Variants in ZNF737 observed in about 807,000 individuals in gnomAD.
The protein encoded by ZNF737 is zinc finger protein 737.
Under a neutral mutation model 11.7 loss-of-function variants are expected in ZNF737, and 13 were observed. That is an observed-to-expected ratio of 1.11 (90% CI 0.73 to 1.77). ZNF737 has a LOEUF of 1.77. ZNF737 is among the 40% of genes most tolerant of loss of function. The pLI, the probability that ZNF737 is intolerant of heterozygous loss-of-function variation, is 0.00. For synonymous variants in ZNF737, 217 were observed against 216.2 expected, an observed-to-expected ratio of 1.00 and a Z score of -0.03; for missense variants, 636 against 638.0, an observed-to-expected ratio of 1.00 and a Z score of 0.03.
At position 20,545,651 on chromosome 19, in the gene ZNF737, C is replaced by G. The variant is rs1968425801; in HGVS notation, c.552G>C (p.Gln184His). Reference sequence around the variant, plus strand: ...TCTTATGTGTAGTAAGGGTTGAAGACTGGTTAAAAGCTTTGCCACATTCTA... The same window carrying G: ...TCTTATGTGTAGTAAGGGTTGAAGAGTGGTTAAAAGCTTTGCCACATTCTA... ...KCIECGKAFNQSSTLTTHKKI... is the reference protein window; with the variant it reads ...KCIECGKAFNHSSTLTTHKKI... The change falls in exon 4 of 4, where the codon CAG becomes CAC. Residue 184 changes from glutamine (Q) to histidine (H), a missense_variant. Gln to His is a conservative substitution (Grantham distance 24). Coordinates refer to ENST00000427401, the MANE Select transcript of ZNF737 (RefSeq NM_001159293.2). The G allele has an allele frequency of 2.5e-6, 4 of 1,613,910 alleles. No individual in the cohort carries two copies. Among genetic ancestry groups the G allele is most frequent in the African/African-American group, 2.7e-5 (2 of 75,040 alleles).
chr19:20,561,100 A>G (rs1435403441), intron 1 of ZNF737, among the ~76,000 whole-genome samples: 2 of 152,192 alleles, frequency 1.3e-5, no homozygotes, highest in African/African-American at 4.8e-5. Flanking sequence ...AGAGATTGCA[A>G]TGTAGGTGAG....
chr19:20,542,494 A>G lies in ZNF737; in HGVS notation c.*2098T>C. The G allele has an allele frequency of 7.5e-6, 7 of 931,960 alleles. No individual in the cohort carries two copies. Among genetic ancestry groups the G allele is most frequent in the Non-Finnish European group, 9.0e-6 (7 of 781,384 alleles). The allele number at this position is 931,960 out of a possible 1,614,324, so 57.7% of individuals were successfully genotyped here. ...TGATCTGCCCACCTTGGCCTCCCAA[A>G]GTGCTGAAATTACAGGCATGAGCCA... On this transcript the variant is annotated 3_prime_UTR_variant, in exon 4 of 4. Coordinates refer to ENST00000427401, the MANE Select transcript of ZNF737 (RefSeq NM_001159293.2).
At chr19:20,533,276 A>G (rs1274439760), downstream of ZNF737, among the ~76,000 whole-genome samples, 2 of 150,112 alleles carry the variant, frequency 1.3e-5, no homozygotes, top group African/African-American at 2.5e-5. Flanking sequence ...ATAGTATTCT[A>G]TAGGGAAAAG....
At chr19:20,561,496 C>A (rs1599437576) in intron 1 of ZNF737, among the ~76,000 whole-genome samples, 2 of 152,086 alleles carry the variant, frequency 1.3e-5, no homozygotes, top group East Asian at 3.9e-4. Flanking sequence ...TCCTCTGTCA[C>A]CCTGGGAGAA....
intron 1 of ZNF737, chr19:20,564,178 A>G (rs1255841658): frequency 2.0e-5 from 3 of 152,146 alleles, no homozygotes; most frequent in Admixed American, 2.0e-4. Context: ...AAAAAAGTAA[A>G]TAAATAAAAT....
rs549345425 is a variant in ZNF737, at chr19:20,549,818, T to G, written c.226+2657A>C. Among the ~76,000 whole-genome samples the G allele has an allele frequency of 2.7e-3, 403 of 151,170 alleles. 1 individual carries two copies. The highest frequency in any genetic ancestry group is 9.4e-3 in the African/African-American group (388 of 41,096). ...GGTGACACACGCCTGTAATCCCAGC[T>G]ACTTGGGAGACTGAGGTATGAGAAT... On this transcript the variant is annotated intron_variant, in intron 3 of 3. Transcript: ENST00000427401.
At chr19:20,552,432 C>G (rs775926026) in intron 3 of ZNF737, 43 bp downstream of exon 3, 38 of 1,434,836 alleles carry the variant, frequency 2.6e-5, no homozygotes, top group Admixed American at 2.1e-4. Flanking sequence ...TTTGGGACCT[C>G]TTATCTGTGT....
Position 20,542,804 on chromosome 19 carries a change from G to A in ZNF737, c.*1788C>T. The stretch of plus-strand genomic sequence containing the variant: ...TAATGTAAAAAAATCGAATATCTCT[G>A]ATGCAGAAGCCACTGATCACATGCT... On this transcript the variant is annotated 3_prime_UTR_variant, in exon 4 of 4. Transcript: ENST00000427401. The A allele has an allele frequency of 1.0e-6, 1 of 985,272 alleles. No individual in the cohort carries two copies. The allele number at this position is 985,272 out of a possible 1,614,324, so 61.0% of individuals were successfully genotyped here.
At position 20,541,015 on chromosome 19, in the gene ZNF737, TTTA is replaced by T. The variant is rs1334031082; in HGVS notation, c.*3574_*3576del. 3.0e-6 allele frequency: 3 copies of T among 985,346 alleles called. No individual in the cohort carries two copies. The highest frequency in any genetic ancestry group is 3.6e-6 in the Non-Finnish European group (3 of 829,868). The allele number at this position is 985,346 out of a possible 1,614,324, so 61.0% of individuals were successfully genotyped here. Reference sequence around the variant, plus strand: ...TTTTTTTTCCTGTTTTAAGAGGGCTTTTATTATTGTACTCAAGAGAGTTGTTTC... The same window carrying T: ...TTTTTTTTCCTGTTTTAAGAGGGCTTTTATTGTACTCAAGAGAGTTGTTTC... On this transcript the variant is annotated 3_prime_UTR_variant, in exon 4 of 4. Coordinates refer to ENST00000427401, the MANE Select transcript of ZNF737 (RefSeq NM_001159293.2).
chr19:20,534,467 A>G (rs1382094012), downstream of ZNF737, among the ~76,000 whole-genome samples: 6 of 148,994 alleles, frequency 4.0e-5, 1 homozygote, highest in African/African-American at 1.5e-4. Context: ...CTATCTATCT[A>G]TCTATCTATC....
chr19:20,544,117 A>G lies in ZNF737; in HGVS notation c.*475T>C. On this transcript the variant is annotated 3_prime_UTR_variant, in exon 4 of 4. Coordinates refer to ENST00000427401, the MANE Select transcript of ZNF737 (RefSeq NM_001159293.2). The stretch of plus-strand genomic sequence containing the variant: ...TACTCCAGCTTGGATGACAAGCATG[A>G]AACTTCATCTCAAAAAAAAAAATAT... The G allele has an allele frequency of 1.0e-6, 1 of 998,630 alleles. No homozygotes were observed. The highest frequency in any genetic ancestry group is 1.2e-6 in the Non-Finnish European group (1 of 836,390). The allele number at this position is 998,630 out of a possible 1,614,324, so 61.9% of individuals were successfully genotyped here.
At chr19:20,561,552 G>A (rs533350594) in intron 1 of ZNF737, among the ~76,000 whole-genome samples, 1 of 152,232 alleles carries the variant, frequency 6.6e-6, no homozygotes, top group Non-Finnish European at 1.5e-5. Flanking sequence ...CCTGTGACCA[G>A]ACAGCAGAGC....
chr19:20,562,340 ATTTTT>A (rs56851244), intron 1 of ZNF737, among the ~76,000 whole-genome samples: 2 of 123,772 alleles, frequency 1.6e-5, no homozygotes, highest in African/African-American at 6.1e-5. Context: ...CACCTGGCTA[ATTTTT>A]TTTTTTTTTT....
intron 1 of ZNF737, among the ~76,000 whole-genome samples, chr19:20,557,307 TTG>T (rs1568435047): frequency 6.6e-6 from 1 of 151,906 alleles, no homozygotes; most frequent in Non-Finnish European, 1.5e-5. Context: ...AGCCAAAACT[TTG>T]ATCTCTTCTA....
chr19:20,561,374 G>T lies in ZNF737; in HGVS notation c.3+4264C>A, dbSNP rs116637789. 8.2e-3 allele frequency among the ~76,000 whole-genome samples: 1,225 copies of T among 149,968 alleles called. 15 individuals are homozygous for T. The highest frequency in any genetic ancestry group is 0.028 in the African/African-American group (1,160 of 40,800). ...GGGTGGTGCCTACTCCTGGGAGGAGGGTGGACATGTCAATGTCTAGTGTGT... is the reference window on the plus strand; with the variant it reads ...GGGTGGTGCCTACTCCTGGGAGGAGTGTGGACATGTCAATGTCTAGTGTGT... On this transcript the variant is annotated intron_variant, in intron 1 of 3. Coordinates refer to ENST00000427401, the MANE Select transcript of ZNF737 (RefSeq NM_001159293.2).
intron 2 of ZNF737, among the ~76,000 whole-genome samples, chr19:20,553,492 T>G (rs1968771130): frequency 6.6e-6 from 1 of 152,088 alleles, no homozygotes; most frequent in African/African-American, 2.4e-5. Flanking sequence ...ACTCCTAGCC[T>G]CAGGTAATAC....
downstream of ZNF737, chr19:20,536,126 C>T: frequency 1.0e-6 from 1 of 984,802 alleles, no homozygotes; most frequent in Middle Eastern, 5.2e-4. Context: ...AGTAGGACAG[C>T]CACTTCTCTG....
downstream of ZNF737, among the ~76,000 whole-genome samples, chr19:20,535,535 T>C (rs1373053216): frequency 6.6e-6 from 1 of 151,588 alleles, no homozygotes; most frequent in South Asian, 2.1e-4. Context: ...CTCGTTTTTT[T>C]TTTTTTTGAG....
Position 20,540,823 on chromosome 19 carries a change from A to G in ZNF737, c.*3769T>C. 1.1e-6 allele frequency: 1 copy of G among 920,132 alleles called. No individual in the cohort carries two copies. Among genetic ancestry groups the G allele is most frequent in the Non-Finnish European group, 1.3e-6 (1 of 770,680 alleles). The allele number at this position is 920,132 out of a possible 1,614,324, so 57.0% of individuals were successfully genotyped here. ...ACATAAACAAAGATATCAACTGGAT[A>G]TAATAATTAACTACTTTTTAGTTTT... On this transcript the variant is annotated 3_prime_UTR_variant, in exon 4 of 4. Coordinates refer to ENST00000427401, the MANE Select transcript of ZNF737 (RefSeq NM_001159293.2).
Sources: gnomAD v4.1 joint callset for allele counts (sites outside exome capture counted in the v4.1 genomes callset) on GRCh38, gnomAD v4.1.1 for gene constraint, MANE v1.5 for transcripts, NCBI Gene and HGNC (gene_info 2026-07-23, HGNC 2026-07-21) for gene names.